The following BRIP1 variants were observed in gnomAD, a reference collection of about 807,000 sequenced individuals.
BRIP1 encodes Fanconi anemia group J protein.
Under a neutral mutation model 119.7 loss-of-function variants are expected in BRIP1, and 88 were observed. The observed-to-expected ratio is 0.74, with a 90% confidence interval of 0.62 to 0.88. The LOEUF (loss-of-function observed/expected upper bound fraction) is 0.88. Among genes scored for constraint, BRIP1 ranks in the 40% least tolerant of loss-of-function variants. The pLI, the probability that BRIP1 is intolerant of heterozygous loss-of-function variation, is 0.00. For synonymous variants in BRIP1, 443 were observed against 496.5 expected (o/e 0.89, Z 1.43); for missense variants, 1,259 against 1,455.4 (o/e 0.87, Z 2.20).
intron 16 of BRIP1, among the ~76,000 whole-genome samples, chr17:61,718,967 T>C (rs1258162924): frequency 2.0e-5 from 3 of 152,210 alleles, no homozygotes; most frequent in African/African-American, 4.8e-5. Flanking sequence ...TACATTGTAG[T>C]GTTTAGGGAA....
chr17:61,760,677 G>A lies in BRIP1; in HGVS notation c.2097+15724C>T, dbSNP rs2077265257. On this transcript the variant is annotated intron_variant, in intron 14 of 19. Transcript: ENST00000259008. This position sits in a 1 kb window ranked among gnomAD's most constrained non-coding sequence, Gnocchi z 4.6. ...TGCCAACAAAATAAACTGGATACCT[G>A]GAAGAAATGGATAAATTCCTAGACA... 6.6e-6 allele frequency among the ~76,000 whole-genome samples: 1 copy of A among 151,810 alleles called. No individual in the cohort carries two copies. Among genetic ancestry groups the A allele is most frequent in the Non-Finnish European group, 1.5e-5 (1 of 67,830 alleles).
Position 61,823,198 on chromosome 17 carries a change from A to G in BRIP1, c.628-14441T>C, listed in dbSNP as rs1036639604. On this transcript the variant is annotated intron_variant, in intron 6 of 19. Coordinates refer to ENST00000259008, the MANE Select transcript of BRIP1 (RefSeq NM_032043.3). The surrounding 1 kb of genome is among the most constrained non-coding windows in gnomAD (Gnocchi z 4.8). ...TAGTAGTTTTCACTTAGAACAATGC[A>G]TATATTTGTTTAAGTTTTCCAAAAG... Among the ~76,000 whole-genome samples, 5 of 152,240 alleles carry G rather than the reference A, an allele frequency of 3.3e-5. No homozygotes were observed. The highest frequency in any genetic ancestry group is 1.2e-4 in the African/African-American group (5 of 41,464).
chr17:61,748,965 A>G lies in BRIP1; in HGVS notation c.2098-4374T>C, dbSNP rs890036462. Reference sequence around the variant, plus strand: ...ATCCTGGCTAACACGGTGAAACCCCATCTCTACTAAAAATACAAAAAATTA... The same window carrying G: ...ATCCTGGCTAACACGGTGAAACCCCGTCTCTACTAAAAATACAAAAAATTA... On this transcript the variant is annotated intron_variant, in intron 14 of 19. Transcript: ENST00000259008. The surrounding 1 kb of genome is among the most constrained non-coding windows in gnomAD (Gnocchi z 4.7). Among the ~76,000 whole-genome samples the G allele has an allele frequency of 1.2e-4, 19 of 152,056 alleles. No homozygotes were observed. The highest frequency in any genetic ancestry group is 3.4e-3 in the Middle Eastern group (1 of 294).
chr17:61,725,815 C>T lies in BRIP1; in HGVS notation c.2380-9752G>A, dbSNP rs151212291. On this transcript the variant is annotated intron_variant, in intron 16 of 19. Transcript: ENST00000259008. The surrounding 1 kb of genome is among the most constrained non-coding windows in gnomAD (Gnocchi z 5.3). Reference sequence around the variant, plus strand: ...TTAAAAAAAAAAATTATTTTAGAGACGCAGTCTCACTACATTGCCCAGGCT... The same window carrying T: ...TTAAAAAAAAAAATTATTTTAGAGATGCAGTCTCACTACATTGCCCAGGCT... Among the ~76,000 whole-genome samples the T allele has an allele frequency of 2.4e-4, 36 of 152,188 alleles. No homozygotes were observed. The East Asian group carries it at 3.7e-3, about 16-fold the overall frequency.
At chr17:61,716,252 T>C (rs2061861163) in intron 16 of BRIP1, among the ~76,000 whole-genome samples, 189 bp from the exon 17 acceptor site, 1 of 152,114 alleles carries the variant, frequency 6.6e-6, no homozygotes, top group South Asian at 2.1e-4. Flanking sequence ...AATTACCTAA[T>C]GCATATAACT....
intron 6 of BRIP1, among the ~76,000 whole-genome samples, chr17:61,821,781 C>CA (rs2078330125): frequency 6.6e-6 from 1 of 152,056 alleles, no homozygotes; most frequent in Non-Finnish European, 1.5e-5. Context: ...TTTAATGGCA[C>CA]AATTATGACT....
In BRIP1 at chr17:61,780,939, T is replaced by G. The variant is rs142572387; in HGVS notation, c.1695A>C (p.Ser565=). The G allele has an allele frequency of 4.3e-6, 7 of 1,613,992 alleles. No individual in the cohort carries two copies. The African/African-American group carries it at 9.3e-5, about 22-fold the overall frequency. Residue 565 remains serine, a synonymous_variant, in exon 12 of 20, where the codon TCA becomes TCC. Coordinates refer to ENST00000259008, the MANE Select transcript of BRIP1 (RefSeq NM_032043.3). The surrounding 1 kb of genome is among the most constrained non-coding windows in gnomAD (Gnocchi z 5.4). ...TYSWTNQIDI[S]DKNGLLVLPK... ...GTAGAACCAACAACCCATTTTTGTCTGAAATATCAATCTGATTTGTCCAGG... is the reference window on the plus strand; with the variant it reads ...GTAGAACCAACAACCCATTTTTGTCGGAAATATCAATCTGATTTGTCCAGG...
chr17:61,801,723 C>T (rs2077998622), intron 7 of BRIP1, among the ~76,000 whole-genome samples: 1 of 152,024 alleles, frequency 6.6e-6, no homozygotes, highest in African/African-American at 2.4e-5. Flanking sequence ...CCTAAATTAA[C>T]TTGAAAAAAA....
chr17:61,712,701 C>T (rs543747980), intron 17 of BRIP1, among the ~76,000 whole-genome samples: 3 of 152,074 alleles, frequency 2.0e-5, no homozygotes, highest in Admixed American at 6.5e-5. Flanking sequence ...GTCAAGAAAT[C>T]GAGACCATCC....
In BRIP1 at chr17:61,694,401, A is replaced by G. The variant is rs117204539; in HGVS notation, c.2493-889T>C. Among the ~76,000 whole-genome samples the G allele has an allele frequency of 5.8e-3, 883 of 152,218 alleles. 5 individuals carry two copies. Among genetic ancestry groups the G allele is most frequent in the Middle Eastern group, 0.017 (5 of 294 alleles). ...AACATGATGTTTTCAAGATTCACTC[A>G]TATTGTATCATTTCTCAGTACTTCA... On this transcript the variant is annotated intron_variant, in intron 17 of 19. Transcript: ENST00000259008.
rs1313125548 is a variant in BRIP1 at position 61,748,980 on chromosome 17, A to T, written c.2098-4389T>A. Among the ~76,000 whole-genome samples, 2 of 152,136 alleles carry T rather than the reference A, an allele frequency of 1.3e-5. No individual in the cohort carries two copies. The highest frequency in any genetic ancestry group is 2.9e-5 in the Non-Finnish European group (2 of 68,024). ...GTGAAACCCCATCTCTACTAAAAAT[A>T]CAAAAAATTAGCCGGGCATGGTGGC... On this transcript the variant is annotated intron_variant, in intron 14 of 19. Transcript: ENST00000259008. This position sits in a 1 kb window ranked among gnomAD's most constrained non-coding sequence, Gnocchi z 4.7.
At chr17:61,811,671 G>T (rs775321187) in intron 6 of BRIP1, among the ~76,000 whole-genome samples, 10 of 151,802 alleles carry the variant, frequency 6.6e-5, no homozygotes, top group Non-Finnish European at 1.0e-4. Flanking sequence ...TTCGGTACAG[G>T]CCGGGCATGG....
Position 61,746,380 on chromosome 17 carries a change from G to T in BRIP1, c.2098-1789C>A, listed in dbSNP as rs372219387. Reference sequence around the variant, plus strand: ...ATCGGTCATTACTTTAAATGTAAATGGATTAAATTTTCTAATCAAAAGATA... The same window carrying T: ...ATCGGTCATTACTTTAAATGTAAATTGATTAAATTTTCTAATCAAAAGATA... On this transcript the variant is annotated intron_variant, in intron 14 of 19. Transcript: ENST00000259008. The surrounding 1 kb of genome is among the most constrained non-coding windows in gnomAD (Gnocchi z 4.9). 8.5e-5 allele frequency among the ~76,000 whole-genome samples: 13 copies of T among 152,130 alleles called. No homozygotes were observed. The East Asian group carries it at 1.9e-3, about 23-fold the overall frequency.
Position 61,801,329 on chromosome 17 carries a change from G to A in BRIP1, c.1064C>T (p.Ala355Val). Residue 355 changes from alanine to valine, a missense_variant, in exon 8 of 20, where the codon GCC becomes GTC. This residue lies in a region of BRIP1 where 501 missense variants were observed against 544.0 expected (regional missense o/e 0.92). Transcript: ENST00000259008. ...GTCAGCATCTTGTATTAGTTCTCGG[G>A]CTGTGTAATATGGACAGGCCTTTAG... ...KKLKACPYYT[A>V]RELIQDADII... 1.2e-6 allele frequency: 2 copies of A among 1,614,012 alleles called. No homozygotes were observed. Among genetic ancestry groups the A allele is most frequent in the Non-Finnish European group, 1.7e-6 (2 of 1,179,938 alleles).
At position 61,776,080 on chromosome 17, in the gene BRIP1, C is replaced by T; in HGVS notation, c.2097+321G>A. 1 of 327,130 alleles carries T rather than the reference C, an allele frequency of 3.1e-6. No homozygotes were observed. The highest frequency in any genetic ancestry group is 2.9e-5 in the South Asian group (1 of 34,546). The allele number at this position is 327,130 out of a possible 1,614,324, so 20.3% of individuals were successfully genotyped here. Reference sequence around the variant, plus strand: ...TGTATTTTGTAGAGGCAGAGTTTCACCATGTTCTCCAGGCTGGTCTCGAAC... The same window carrying T: ...TGTATTTTGTAGAGGCAGAGTTTCATCATGTTCTCCAGGCTGGTCTCGAAC... On this transcript the variant is annotated intron_variant, in intron 14 of 19. Transcript: ENST00000259008. This position sits in a 1 kb window ranked among gnomAD's most constrained non-coding sequence, Gnocchi z 5.0.
chr17:61,852,111 G>A lies in BRIP1; in HGVS notation c.380-2855C>T, dbSNP rs1342388873. Among the ~76,000 whole-genome samples, 2 of 152,102 alleles carry A rather than the reference G, an allele frequency of 1.3e-5. No individual in the cohort carries two copies. Among genetic ancestry groups the A allele is most frequent in the Non-Finnish European group, 2.9e-5 (2 of 68,014 alleles). On this transcript the variant is annotated intron_variant, in intron 4 of 19. Coordinates refer to ENST00000259008, the MANE Select transcript of BRIP1 (RefSeq NM_032043.3). This position sits in a 1 kb window ranked among gnomAD's most constrained non-coding sequence, Gnocchi z 4.9. Reference sequence around the variant, plus strand: ...CAAACTGACATGGGCCTATTAAGAGGGTAGGGAATGTCCACCCAAAATGAT... The same window carrying A: ...CAAACTGACATGGGCCTATTAAGAGAGTAGGGAATGTCCACCCAAAATGAT...
rs2077461558 is a variant in BRIP1 at position 61,772,181 on chromosome 17, ATATATATATATATATATATATATATAT to A, written c.2097+4193_2097+4219del. Among the ~76,000 whole-genome samples, 12 of 80,098 alleles carry A rather than the reference ATATATATATATATATATATATATATAT, an allele frequency of 1.5e-4. No individual in the cohort carries two copies. The Admixed American group carries it at 2.2e-3, about 15-fold the overall frequency. 52.5% of individuals were successfully genotyped at this position (80,098 alleles called of 152,430 possible). A position where few individuals can be genotyped will look rare whatever the true frequency, so the allele number is the denominator to read the frequency against. ...ATTATATATATATATATATATATAT[ATATATATATATATATATATATATATAT>A]AAAATGAAATATTATTCTGCCATAA... On this transcript the variant is annotated intron_variant, in intron 14 of 19. Transcript: ENST00000259008.
intron 17 of BRIP1, among the ~76,000 whole-genome samples, chr17:61,714,066 C>G (rs903513019): frequency 1.3e-5 from 2 of 152,122 alleles, no homozygotes; most frequent in African/African-American, 4.8e-5. Context: ...GTTCCAGCTA[C>G]TTGGGAGGCT....
rs991543695 is a variant in BRIP1, at chr17:61,699,628, G to A, written c.2493-6116C>T. On this transcript the variant is annotated intron_variant, in intron 17 of 19. Coordinates refer to ENST00000259008, the MANE Select transcript of BRIP1 (RefSeq NM_032043.3). The surrounding 1 kb of genome is among the most constrained non-coding windows in gnomAD (Gnocchi z 4.8). ...TTAAACATTGTATGCTGGTGCAGAA[G>A]AATTAACATTGTAGGTTGGATTGTT... 1.3e-5 allele frequency among the ~76,000 whole-genome samples: 2 copies of A among 152,134 alleles called. No individual in the cohort carries two copies. Among genetic ancestry groups the A allele is most frequent in the Admixed American group, 1.3e-4 (2 of 15,268 alleles).
Sources: allele counts gnomAD v4.1 joint callset (sites outside exome capture counted in the v4.1 genomes callset), GRCh38; gene constraint gnomAD v4.1.1; regional missense constraint gnomAD v4.1.1; non-coding constraint Gnocchi (gnomAD v3.1); transcripts MANE v1.5; gene names NCBI Gene and HGNC (gene_info 2026-07-23, HGNC 2026-07-21).